Variants in MEGF10 observed in about 807,000 individuals in gnomAD.
MEGF10 encodes the protein multiple epidermal growth factor-like domains protein 10.
In MEGF10, 86 loss-of-function variants were observed where a neutral mutation model predicts 147.5. The observed-to-expected ratio is 0.58, with a 90% CI of 0.49 to 0.70. MEGF10 has a LOEUF of 0.70. Ranked by LOEUF, MEGF10 falls within the 30% of genes least tolerant of loss-of-function variation. The pLI, the probability that MEGF10 is intolerant of heterozygous loss-of-function variation, is 0.00. For missense variants in MEGF10, 1,329 were observed against 1,487.3 expected, an observed-to-expected ratio of 0.89 and a Z score of 1.75; for synonymous variants, 478 against 525.5, an observed-to-expected ratio of 0.91 and a Z score of 1.24.
chr5:127,445,518 T>A lies in MEGF10; in HGVS notation c.2553T>A (p.Ala851=). ...GCCGAACCAGTACTGCTCTCCCTGC[T>A]GATTCCTACCAGATCGGGGCCATTG... ...SLSRTSTALP[A]DSYQIGAIAG... Residue 851 remains alanine, a synonymous_variant, in exon 20 of 25, where the codon GCT becomes GCA. Transcript: ENST00000503335. 2 of 1,614,214 alleles carry A rather than the reference T, an allele frequency of 1.2e-6. No individual in the cohort carries two copies. Among genetic ancestry groups the A allele is most frequent in the Non-Finnish European group, 1.7e-6 (2 of 1,180,040 alleles).
chr5:127,416,466 C>G (rs1158716560), intron 9 of MEGF10, among the ~76,000 whole-genome samples: 2 of 152,172 alleles, frequency 1.3e-5, no homozygotes, highest in African/African-American at 2.4e-5. Context: ...GACTCACGCT[C>G]TGGTCCTGTG....
At chr5:127,266,025 G>A in the MEGF10 span, among the ~76,000 whole-genome samples, 1 of 152,056 alleles carries the variant, frequency 6.6e-6, no homozygotes, top group African/African-American at 2.4e-5. Context: ...CATTGCCTAG[G>A]TTTTCTTCTA....
At chr5:127,436,692 G>A (rs1215032521) in intron 16 of MEGF10, among the ~76,000 whole-genome samples, 1 of 152,188 alleles carries the variant, frequency 6.6e-6, no homozygotes, top group Non-Finnish European at 1.5e-5. Flanking sequence ...AATAAAAATA[G>A]AAACACAACT....
intron 11 of MEGF10, 112 bp downstream of exon 11, chr5:127,419,352 T>C (rs1195671306): frequency 2.3e-6 from 3 of 1,311,952 alleles, no homozygotes; most frequent in Non-Finnish European, 3.1e-6. Flanking sequence ...CAAAATTCAG[T>C]GTCTGACCTC....
chr5:127,276,290 C>T, the MEGF10 span, among the ~76,000 whole-genome samples: 21 of 152,232 alleles, frequency 1.4e-4, no homozygotes, highest in South Asian at 4.1e-4. Flanking sequence ...GGCTGTAAAC[C>T]GTAGGATATA....
chr5:127,280,880 T>C, the MEGF10 span, among the ~76,000 whole-genome samples: 7 of 152,208 alleles, frequency 4.6e-5, no homozygotes, highest in African/African-American at 1.7e-4. Flanking sequence ...ACAAAGGGCA[T>C]ATACTTGCTT....
chr5:127,286,183 G>T (rs2127017217), upstream of MEGF10, among the ~76,000 whole-genome samples: 1 of 151,918 alleles, frequency 6.6e-6, no homozygotes, highest in Non-Finnish European at 1.5e-5. Context: ...GACCTGAAGA[G>T]AGGTTGGTTA....
intron 9 of MEGF10, 81 bp downstream of exon 9, chr5:127,410,682 T>C (rs968535872): frequency 7.7e-7 from 1 of 1,300,552 alleles, no homozygotes; most frequent in Non-Finnish European, 1.1e-6. Context: ...GAGGGATTGA[T>C]AGAGTGATTC....
At chr5:127,298,610 C>T (rs1759620616) in intron 1 of MEGF10, among the ~76,000 whole-genome samples, 1 of 152,124 alleles carries the variant, frequency 6.6e-6, no homozygotes, top group Admixed American at 6.5e-5. Flanking sequence ...GCAGGTGGCC[C>T]ATATATGCAT....
At chr5:127,436,443 A>T (rs1765555627) in intron 16 of MEGF10, among the ~76,000 whole-genome samples, 1 of 152,284 alleles carries the variant, frequency 6.6e-6, no homozygotes, top group South Asian at 2.1e-4. Flanking sequence ...TTGGTGAAAG[A>T]AGTGTTATGC....
chr5:127,379,070 T>TC (rs949468591), intron 5 of MEGF10, among the ~76,000 whole-genome samples: 3 of 149,466 alleles, frequency 2.0e-5, no homozygotes, highest in Non-Finnish European at 3.0e-5. Context: ...TTTTCTTTTT[T>TC]TTTTTTTTTT....
intron 1 of MEGF10, among the ~76,000 whole-genome samples, chr5:127,304,885 TG>T (rs1204249754): frequency 3.9e-5 from 6 of 152,188 alleles, no homozygotes; most frequent in Admixed American, 6.5e-5. Flanking sequence ...GAAACCAAAT[TG>T]GCTAGGACCT....
intron 13 of MEGF10, among the ~76,000 whole-genome samples, chr5:127,425,262 G>T (rs1026985466): frequency 6.6e-6 from 1 of 152,198 alleles, no homozygotes; most frequent in African/African-American, 2.4e-5. Flanking sequence ...GCTCCTACGG[G>T]AATGCAGTGG....
At chr5:127,399,133 C>T (rs1764034873) in intron 7 of MEGF10, among the ~76,000 whole-genome samples, 2 of 152,256 alleles carry the variant, frequency 1.3e-5, no homozygotes, top group Non-Finnish European at 2.9e-5. Flanking sequence ...ATTTATTTAA[C>T]AATCATTTTC....
rs1238657579 is a variant in MEGF10 at position 127,447,784 on chromosome 5, A to G, written c.2856+100A>G. On this transcript the variant is annotated intron_variant, in intron 21 of 24. Coordinates refer to ENST00000503335, the MANE Select transcript of MEGF10 (RefSeq NM_001256545.2). ...CTGTTCACCAGAGGCTGTTCTAGGT[A>G]CTTTACATATATTATCTAATTTATT... 2.8e-6 allele frequency: 4 copies of G among 1,409,088 alleles called. No homozygotes were observed. In the East Asian group the frequency reaches 9.7e-5, roughly 34 times the overall value. The allele number at this position is 1,409,088 out of a possible 1,614,324, so 87.3% of individuals were successfully genotyped here.
At chr5:127,263,232 T>C in the MEGF10 span, among the ~76,000 whole-genome samples, 1 of 148,748 alleles carries the variant, frequency 6.7e-6, no homozygotes, top group Non-Finnish European at 1.5e-5. Context: ...CCTGACAGAT[T>C]GGGAAGATGG....
chr5:127,410,870 C>G (rs899672501), intron 9 of MEGF10, among the ~76,000 whole-genome samples: 9 of 152,302 alleles, frequency 5.9e-5, no homozygotes, highest in African/African-American at 2.2e-4. Flanking sequence ...ACAAAATTTG[C>G]TGAGGTTAGT....
intron 13 of MEGF10, 85 bp from the exon 14 acceptor site, chr5:127,433,278 G>A: frequency 1.3e-6 from 2 of 1,550,576 alleles, no homozygotes; most frequent in African/African-American, 1.4e-5. Flanking sequence ...TTAACACTGT[G>A]AGCTTAGTCC....
the MEGF10 span, among the ~76,000 whole-genome samples, chr5:127,240,229 T>A: frequency 1.3e-5 from 2 of 152,212 alleles, no homozygotes; most frequent in Non-Finnish European, 2.9e-5. Flanking sequence ...TCTTTAAATA[T>A]CAGTTCAATA....
Sources: allele counts gnomAD v4.1 joint callset (sites outside exome capture counted in the v4.1 genomes callset), GRCh38; gene constraint gnomAD v4.1.1; transcripts MANE v1.5; gene names NCBI Gene and HGNC (gene_info 2026-07-23, HGNC 2026-07-21).